OXCT1: variants seen among roughly 807,000 people sequenced by gnomAD.
The protein encoded by OXCT1 is succinyl-CoA:3-ketoacid coenzyme A transferase 1, mitochondrial.
OXCT1 carries 27 observed loss-of-function variants against 69.6 expected under a neutral mutation model. The ratio of observed to expected loss-of-function variants is 0.39; its 90% CI spans 0.29 to 0.54. OXCT1 has a LOEUF of 0.54. Ranked by LOEUF, OXCT1 falls within the 20% of genes least tolerant of loss-of-function variation. The probability of loss-of-function intolerance (pLI) is 0.72; values close to 1 mark genes in which losing one functional copy is unlikely to be tolerated. For synonymous variants in OXCT1, 202 were observed against 217.8 expected (o/e 0.93, Z 0.64); for missense variants, 437 against 650.2 (o/e 0.67, Z 3.57).
chr5:41,783,745 T>C (rs2112189987), intron 13 of OXCT1, among the ~76,000 whole-genome samples: 1 of 152,304 alleles, frequency 6.6e-6, no homozygotes, highest in Middle Eastern at 3.4e-3. Context: ...TGTAGCAGCA[T>C]GGTTTGGAAT....
chr5:41,731,991 A>C (rs1742657961), intron 16 of OXCT1, among the ~76,000 whole-genome samples: 1 of 152,144 alleles, frequency 6.6e-6, no homozygotes, highest in South Asian at 2.1e-4. Flanking sequence ...TTAGCTCCTA[A>C]ATTAAGGATG....
intron 3 of OXCT1, among the ~76,000 whole-genome samples, chr5:41,859,858 T>G: frequency 1.0e-5 from 1 of 99,322 alleles, no homozygotes. Flanking sequence ...ACCTGACTAG[T>G]ATAGTAATAT....
intron 14 of OXCT1, among the ~76,000 whole-genome samples, chr5:41,761,741 G>C (rs186524468): frequency 6.6e-6 from 1 of 151,978 alleles, no homozygotes; most frequent in Non-Finnish European, 1.5e-5. Context: ...TTCATTTCAC[G>C]CACAGATAGC....
At position 41,730,371 on chromosome 5, in the gene OXCT1, C is replaced by A. The variant is rs551011133; in HGVS notation, c.*1358G>T. On this transcript the variant is annotated 3_prime_UTR_variant, in exon 17 of 17. Coordinates refer to ENST00000196371, the MANE Select transcript of OXCT1 (RefSeq NM_000436.4). ...TATGGTGTGTGTTACTCATAAAAAG[C>A]CTGTCCTTTCTCTAATATTGTACAT... 1 of 152,314 alleles carries A rather than the reference C, an allele frequency of 6.6e-6. No individual in the cohort carries two copies. Among genetic ancestry groups the A allele is most frequent in the South Asian group, 2.1e-4 (1 of 4,824 alleles). The allele number at this position is 152,314 out of a possible 1,614,324, so 9.4% of individuals were successfully genotyped here. A position where few individuals can be genotyped will look rare whatever the true frequency, so the allele number is the denominator to read the frequency against.
chr5:41,865,700 A>C (rs1206484715), intron 1 of OXCT1, among the ~76,000 whole-genome samples: 1 of 152,196 alleles, frequency 6.6e-6, no homozygotes, highest in East Asian at 1.9e-4. Flanking sequence ...TAGGAAAATT[A>C]CTTAACCACT....
intron 7 of OXCT1, among the ~76,000 whole-genome samples, chr5:41,834,358 A>G (rs1238349005): frequency 6.6e-6 from 1 of 152,046 alleles, no homozygotes; most frequent in Non-Finnish European, 1.5e-5. Flanking sequence ...AAGACACAGT[A>G]GCTGAATGGA....
intron 3 of OXCT1, among the ~76,000 whole-genome samples, chr5:41,854,416 G>T (rs1371444348): frequency 3.9e-5 from 6 of 152,042 alleles, no homozygotes; most frequent in African/African-American, 1.4e-4. Context: ...AGAATTTAAA[G>T]CAAAGTCAAT....
intron 7 of OXCT1, among the ~76,000 whole-genome samples, chr5:41,825,406 A>T (rs1231110792): frequency 6.6e-6 from 1 of 152,214 alleles, no homozygotes; most frequent in African/African-American, 2.4e-5. Context: ...ACATTCTAAC[A>T]GTTAAGTAAC....
At chr5:41,742,906 C>A (rs184618033) in intron 15 of OXCT1, among the ~76,000 whole-genome samples, 89 of 152,272 alleles carry the variant, frequency 5.8e-4, no homozygotes, top group African/African-American at 2.1e-3. Flanking sequence ...GGTTCCAAGT[C>A]TTTGCTATTG....
intron 15 of OXCT1, among the ~76,000 whole-genome samples, chr5:41,743,617 A>T (rs1437275717): frequency 1.3e-5 from 2 of 152,160 alleles, no homozygotes; most frequent in Admixed American, 6.5e-5. Flanking sequence ...TTTTAGGTCT[A>T]ACATTTAACT....
chr5:41,795,712 T>C (rs1746147134), intron 11 of OXCT1, among the ~76,000 whole-genome samples: 1 of 152,152 alleles, frequency 6.6e-6, no homozygotes, highest in Admixed American at 6.5e-5. Context: ...GCTAGAAAAG[T>C]AGATCTTAAG....
At chr5:41,847,750 C>G (rs1217232359) in intron 5 of OXCT1, among the ~76,000 whole-genome samples, 5 of 152,134 alleles carry the variant, frequency 3.3e-5, no homozygotes, top group East Asian at 3.8e-4. Flanking sequence ...TAAAAACTCT[C>G]AATAAATTAG....
At chr5:41,738,101 G>A (rs1742981113) in intron 16 of OXCT1, among the ~76,000 whole-genome samples, 1 of 152,062 alleles carries the variant, frequency 6.6e-6, no homozygotes, top group Non-Finnish European at 1.5e-5. Flanking sequence ...AAAGCATGTA[G>A]TACACAAGAA....
intron 7 of OXCT1, among the ~76,000 whole-genome samples, chr5:41,834,256 C>CAAA (rs982355148): frequency 1.3e-5 from 2 of 151,872 alleles, no homozygotes; most frequent in Non-Finnish European, 2.9e-5. Context: ...AAGAAGACCA[C>CAAA]AAAACAACCA....
intron 13 of OXCT1, among the ~76,000 whole-genome samples, chr5:41,766,621 C>A (rs1322276830): frequency 6.7e-6 from 1 of 148,422 alleles, no homozygotes; most frequent in East Asian, 2.0e-4. Flanking sequence ...TAAACATGAT[C>A]TTTGGTGATA....
intron 14 of OXCT1, among the ~76,000 whole-genome samples, chr5:41,753,068 A>T (rs963044942): frequency 1.2e-4 from 19 of 152,086 alleles, no homozygotes; most frequent in African/African-American, 3.6e-4. Context: ...AATAGTAATA[A>T]ATCCCTTTGC....
intron 12 of OXCT1, 128 bp downstream of exon 12, chr5:41,794,549 C>T (rs937893569): frequency 6.0e-6 from 5 of 830,402 alleles, no homozygotes; most frequent in Middle Eastern, 2.3e-4. Flanking sequence ...ACCCTGCAGC[C>T]GAACAAACTC....
chr5:41,805,543 C>T (rs755824699), intron 9 of OXCT1, 24 bp downstream of exon 9: 57 of 1,511,666 alleles, frequency 3.8e-5, no homozygotes, highest in Middle Eastern at 1.7e-4. Flanking sequence ...TGTCTTTGCC[C>T]GGGCTCAGAA....
intron 16 of OXCT1, among the ~76,000 whole-genome samples, chr5:41,738,691 G>A (rs1447848380): frequency 6.6e-6 from 1 of 152,208 alleles, no homozygotes; most frequent in Non-Finnish European, 1.5e-5. Context: ...CAAATAGACT[G>A]AGCCATGCTT....
Sources: allele counts gnomAD v4.1 joint callset (sites outside exome capture counted in the v4.1 genomes callset), GRCh38; gene constraint gnomAD v4.1.1; transcripts MANE v1.5; gene names NCBI Gene and HGNC (gene_info 2026-07-23, HGNC 2026-07-21).